The following MARCHF6 variants were observed in gnomAD, a reference collection of about 807,000 sequenced individuals.
MARCHF6 encodes the protein E3 ubiquitin-protein ligase MARCHF6.
A neutral mutation model predicts 133.7 loss-of-function variants in MARCHF6; 31 were observed. The ratio of observed to expected loss-of-function variants is 0.23; its 90% confidence interval spans 0.17 to 0.31. The LOEUF is 0.31. Ranked by LOEUF, MARCHF6 falls within the 10% of genes least tolerant of loss-of-function variation. The pLI is 1.00. For synonymous variants in MARCHF6, 395 were observed against 402.5 expected (o/e 0.98, Z 0.22); for missense variants, 723 against 1,121.6 (o/e 0.64, Z 5.08).
In MARCHF6 at chr5:10,397,752, C is replaced by A. The variant is rs577308009; in HGVS notation, c.913+408C>A. 2.0e-5 allele frequency among the ~76,000 whole-genome samples: 3 copies of A among 152,252 alleles called. No individual in the cohort carries two copies. In the East Asian group the frequency reaches 5.8e-4, roughly 29 times the overall value. On this transcript the variant is annotated intron_variant, in intron 10 of 25. Transcript: ENST00000274140. ...GAGATCTTGACTTGGGAGCTGTTAC[C>A]AGAGCTGAGTGTAGGCTTGTGGGAA...
At chr5:10,357,746 AC>A (rs1735565069) in intron 1 of MARCHF6, among the ~76,000 whole-genome samples, 1 of 152,178 alleles carries the variant, frequency 6.6e-6, no homozygotes, top group Non-Finnish European at 1.5e-5. Context: ...TTAAATGTTT[AC>A]TGAGGACCTG....
At chr5:10,395,482 T>A (rs925057999) in intron 9 of MARCHF6, among the ~76,000 whole-genome samples, 2 of 152,182 alleles carry the variant, frequency 1.3e-5, no homozygotes, top group African/African-American at 2.4e-5. Context: ...TGTCTTTACC[T>A]AGGAACTTTG....
At position 10,378,951 on chromosome 5, in the gene MARCHF6, A is replaced by G. The variant is rs569746658; in HGVS notation, c.190+119A>G. 6 of 548,314 alleles carry G rather than the reference A, an allele frequency of 1.1e-5. No individual in the cohort carries two copies. In the East Asian group the frequency reaches 1.9e-4, roughly 17 times the overall value. The allele number at this position is 548,314 out of a possible 1,614,324, so 34.0% of individuals were successfully genotyped here. On this transcript the variant is annotated intron_variant, in intron 3 of 25. Transcript: ENST00000274140. ...AAAAGTGCTTAAGCACTTTAAAGCA[A>G]TTATTTTCAGCTTGATTTTTTTTGA...
chr5:10,422,861 G>A (rs1198546604), intron 22 of MARCHF6, among the ~76,000 whole-genome samples: 1 of 152,146 alleles, frequency 6.6e-6, no homozygotes, highest in Non-Finnish European at 1.5e-5. Flanking sequence ...GAAAAACATG[G>A]ATGGTATGTA....
intron 25 of MARCHF6, among the ~76,000 whole-genome samples, chr5:10,430,800 C>T (rs1001837315): frequency 6.6e-6 from 1 of 152,162 alleles, no homozygotes; most frequent in Admixed American, 6.5e-5. Context: ...AGGGTTACTG[C>T]AAAAATGTTG....
Position 10,403,393 on chromosome 5 carries a change from C to T in MARCHF6, c.1198-14C>T. 1.2e-6 allele frequency: 2 copies of T among 1,607,316 alleles called. No individual in the cohort carries two copies. Among genetic ancestry groups the T allele is most frequent in the Non-Finnish European group, 1.7e-6 (2 of 1,177,552 alleles). ...GGGGCACAGATTTCTCTTACCTGTC[C>T]TCTTTTGTCTCAGGAAATGTTTGAT... On this transcript the variant is annotated splice_polypyrimidine_tract_variant and intron_variant, in intron 14 of 25. Coordinates refer to ENST00000274140, the MANE Select transcript of MARCHF6 (RefSeq NM_005885.4).
At chr5:10,379,486 C>G (rs536708235) in intron 3 of MARCHF6, among the ~76,000 whole-genome samples, 2 of 150,416 alleles carry the variant, frequency 1.3e-5, no homozygotes, top group Non-Finnish European at 3.0e-5. Context: ...GACAGAATCT[C>G]GCTCTGTTCT....
At chr5:10,363,509 T>C (rs1323322322) in intron 1 of MARCHF6, among the ~76,000 whole-genome samples, 1 of 152,154 alleles carries the variant, frequency 6.6e-6, no homozygotes, top group Admixed American at 6.5e-5. Flanking sequence ...GTGAGCATTG[T>C]AGAAAAATTG....
intron 16 of MARCHF6, 26 bp downstream of exon 16, chr5:10,405,703 T>G (rs761953546): frequency 1.3e-6 from 2 of 1,570,004 alleles, no homozygotes; most frequent in South Asian, 2.4e-5. Flanking sequence ...CATTGTTTTT[T>G]TTTTTTGAAT....
At chr5:10,412,017 C>T (rs868158418) in intron 19 of MARCHF6, among the ~76,000 whole-genome samples, 1 of 152,182 alleles carries the variant, frequency 6.6e-6, no homozygotes, top group African/African-American at 2.4e-5. Context: ...CTGATGACTG[C>T]TATATGATTA....
Position 10,378,086 on chromosome 5 carries a change from A to C in MARCHF6, c.116+192A>C, listed in dbSNP as rs188580465. Among the ~76,000 whole-genome samples, 102 of 152,340 alleles carry C rather than the reference A, an allele frequency of 6.7e-4. No individual in the cohort carries two copies. In the Middle Eastern group the frequency reaches 0.01, roughly 15 times the overall value. On this transcript the variant is annotated intron_variant, in intron 2 of 25. Transcript: ENST00000274140. ...AAATTTGGAAAAGAAATTATCCATT[A>C]ATTCTTAATACCATGGCTGTTATTT... is the stretch of plus-strand genomic sequence containing the variant.
chr5:10,400,678 C>A, intron 10 of MARCHF6, 106 bp from the exon 11 acceptor site: 1 of 820,634 alleles, frequency 1.2e-6, no homozygotes, highest in Non-Finnish European at 2.1e-6. Flanking sequence ...GTTCTGGAAT[C>A]TTTCATTTCT....
At chr5:10,397,157 A>T (rs1561127097) in intron 9 of MARCHF6, 136 bp from the exon 10 acceptor site, 4 of 568,534 alleles carry the variant, frequency 7.0e-6, no homozygotes, top group Non-Finnish European at 1.2e-5. Flanking sequence ...CTAGATTGAA[A>T]TCCCAAAACA....
At chr5:10,367,412 A>G (rs1005768909) in intron 1 of MARCHF6, among the ~76,000 whole-genome samples, 1 of 152,222 alleles carries the variant, frequency 6.6e-6, no homozygotes, top group Admixed American at 6.5e-5. Flanking sequence ...TATTTTCTGT[A>G]AGTCTAAGAC....
rs188184285 is a variant in MARCHF6 at position 10,433,967 on chromosome 5, G to A, written c.*283G>A. 5 of 329,472 alleles carry A rather than the reference G, an allele frequency of 1.5e-5. No individual in the cohort carries two copies. The Admixed American group carries it at 2.3e-4, about 15-fold the overall frequency. 20.4% of individuals were successfully genotyped at this position (329,472 alleles called of 1,614,324 possible). On this transcript the variant is annotated 3_prime_UTR_variant, in exon 26 of 26. Transcript: ENST00000274140. ...TGCATTGTACATCTTTAAACAAAAT[G>A]TATATTAATTTATTAAATCTAGTTG...
intron 1 of MARCHF6, among the ~76,000 whole-genome samples, chr5:10,358,243 A>G (rs999367080): frequency 6.6e-6 from 1 of 152,098 alleles, no homozygotes; most frequent in African/African-American, 2.4e-5. Context: ...AACGGAGTAA[A>G]AGAGTTGGAG....
At chr5:10,363,665 A>G (rs1167021468) in intron 1 of MARCHF6, among the ~76,000 whole-genome samples, 1 of 152,234 alleles carries the variant, frequency 6.6e-6, no homozygotes, top group Non-Finnish European at 1.5e-5. Flanking sequence ...AAACCTGTAT[A>G]TGAGTTAGCA....
intron 17 of MARCHF6, among the ~76,000 whole-genome samples, chr5:10,409,498 A>G (rs1739099790): frequency 6.6e-6 from 1 of 152,266 alleles, no homozygotes; most frequent in Non-Finnish European, 1.5e-5. Flanking sequence ...GGAGGAAGGC[A>G]AAGAATTGGC....
chr5:10,403,048 T>C (rs1484441055), intron 14 of MARCHF6, among the ~76,000 whole-genome samples: 1 of 152,218 alleles, frequency 6.6e-6, no homozygotes, highest in African/African-American at 2.4e-5. Context: ...AAATATTTTA[T>C]GTGTAGAAAA....
Sources: allele counts gnomAD v4.1 joint callset (sites outside exome capture counted in the v4.1 genomes callset), GRCh38; gene constraint gnomAD v4.1.1; transcripts MANE v1.5; gene names NCBI Gene and HGNC (gene_info 2026-07-23, HGNC 2026-07-21).